DNAH8: variants seen among roughly 807,000 people sequenced by gnomAD.
DNAH8 encodes the protein axonemal beta dynein heavy chain 8.
DNAH8 carries 382 observed loss-of-function variants against 562.1 expected under a neutral mutation model. That is an observed-to-expected ratio of 0.68 (90% CI 0.63 to 0.74). The LOEUF is 0.74. Among genes scored for constraint, DNAH8 ranks in the 30% least tolerant of loss-of-function variants. DNAH8 has a pLI of 0.00. For missense variants in DNAH8, 5,203 were observed against 5,620.4 expected, an observed-to-expected ratio of 0.93 and a Z score of 2.37; for synonymous variants, 1,881 against 1,919.4, an observed-to-expected ratio of 0.98 and a Z score of 0.52.
intron 87 of DNAH8, among the ~76,000 whole-genome samples, chr6:38,987,154 G>A (rs1252689340): frequency 6.6e-6 from 1 of 152,198 alleles, no homozygotes; most frequent in Non-Finnish European, 1.5e-5. Context: ...CAGTGGCAAC[G>A]GAAAGCTGCT....
In DNAH8 at chr6:38,734,582, G is replaced by A. The variant is rs188018051; in HGVS notation, c.719G>A (p.Arg240His). The A allele has an allele frequency of 3.8e-5, 62 of 1,613,544 alleles. No homozygotes were observed. The highest frequency in any genetic ancestry group is 1.7e-4 in the Middle Eastern group (1 of 5,786). Residue 240 changes from arginine to histidine, a missense_variant, in exon 5 of 93, where the codon CGT becomes CAT. By Grantham distance (29) the Arg-to-His change is conservative. Transcript: ENST00000327475. ...KLKGLCIFFV[R>H]CRNDVAINVK... ...AAAGGACTGTGCATATTTTTTGTTC[G>A]TTGCCGTAATGATGTTGCTATAAAT...
At chr6:38,847,273 T>A (rs1344861480) in intron 36 of DNAH8, among the ~76,000 whole-genome samples, 1 of 151,822 alleles carries the variant, frequency 6.6e-6, no homozygotes, top group Non-Finnish European at 1.5e-5. Flanking sequence ...TTATTTCAGA[T>A]CTCCCTTTTC....
chr6:38,762,405 C>A (rs60409236), intron 11 of DNAH8, among the ~76,000 whole-genome samples: 1 of 152,180 alleles, frequency 6.6e-6, no homozygotes, highest in Non-Finnish European at 1.5e-5. Context: ...ACTGTCCTAA[C>A]GTTTCTGGGT....
intron 83 of DNAH8, 67 bp from the exon 84 acceptor site, chr6:38,973,594 T>G: frequency 7.4e-7 from 1 of 1,351,088 alleles, no homozygotes; most frequent in Admixed American, 2.6e-5. Context: ...AAAGTGCACA[T>G]TTTGTTTTAT....
chr6:38,743,675 GT>G (rs1764699127), intron 8 of DNAH8, among the ~76,000 whole-genome samples: 1 of 152,076 alleles, frequency 6.6e-6, no homozygotes, highest in Non-Finnish European at 1.5e-5. Context: ...ATGTTTTCAA[GT>G]TTCGTCCATG....
Position 38,883,944 on chromosome 6 carries a change from G to A in DNAH8, c.8205G>A (p.Met2735Ile). The A allele has an allele frequency of 6.3e-7, 1 of 1,590,454 alleles. No individual in the cohort carries two copies. Residue 2735 changes from methionine to isoleucine, a missense_variant, in exon 56 of 93, where the codon ATG becomes ATA. Coordinates refer to ENST00000327475, the MANE Select transcript of DNAH8 (RefSeq NM_001206927.2). ...ATGGGCCACCAGGAGGGAGAAAAAT[G>A]ACTGTATTTATTGATGATATTAATA... Reference protein sequence around the residue: ...STYGPPGGRKMTVFIDDINMP... With the variant: ...STYGPPGGRKITVFIDDINMP...
intron 68 of DNAH8, among the ~76,000 whole-genome samples, chr6:38,916,397 T>C (rs1037001870): frequency 6.6e-6 from 1 of 152,172 alleles, no homozygotes; most frequent in Non-Finnish European, 1.5e-5. Context: ...AGGCCTTCCT[T>C]TGTTTTCCTA....
At chr6:38,939,109 TTAAG>T (rs770282661) in intron 79 of DNAH8, 121 bp downstream of exon 79, 10 of 770,194 alleles carry the variant, frequency 1.3e-5, no homozygotes, top group South Asian at 3.1e-5. Flanking sequence ...GAAAGTTTAA[TTAAG>T]TTTTATTTTT....
At chr6:38,760,375 G>T (rs1190806046) in intron 10 of DNAH8, among the ~76,000 whole-genome samples, 2 of 151,754 alleles carry the variant, frequency 1.3e-5, no homozygotes, top group Admixed American at 6.6e-5. Context: ...TATGATTCTT[G>T]TTTCCTTTGT....
chr6:38,795,720 C>G (rs1436203486), intron 21 of DNAH8, among the ~76,000 whole-genome samples: 1 of 152,082 alleles, frequency 6.6e-6, no homozygotes, highest in East Asian at 1.9e-4. Context: ...CACAAACCTA[C>G]CAGCAAGTGG....
intron 35 of DNAH8, among the ~76,000 whole-genome samples, chr6:38,844,487 A>G (rs767792818): frequency 2.0e-5 from 3 of 152,198 alleles, no homozygotes; most frequent in Non-Finnish European, 2.9e-5. Flanking sequence ...CTTTCAAAGC[A>G]TTTTTGTCCT....
intron 88 of DNAH8, among the ~76,000 whole-genome samples, chr6:39,000,548 G>A (rs1188446331): frequency 6.6e-6 from 1 of 152,148 alleles, no homozygotes; most frequent in South Asian, 2.1e-4. Flanking sequence ...CGTGAACTGC[G>A]CATGCCAGGG....
At chr6:38,730,032 G>C (rs190192678) in intron 4 of DNAH8, 46 bp downstream of exon 4, 1 of 851,154 alleles carries the variant, frequency 1.2e-6, no homozygotes, top group Non-Finnish European at 1.9e-6. Flanking sequence ...GTTCATGCAC[G>C]TTAAAGTGCA....
At chr6:38,859,000 G>C (rs1256385567) in intron 42 of DNAH8, among the ~76,000 whole-genome samples, 2 of 152,036 alleles carry the variant, frequency 1.3e-5, no homozygotes, top group East Asian at 3.9e-4. Flanking sequence ...AAATAAACCT[G>C]TACATAAGGA....
At chr6:38,830,846 G>GT (rs1485283389) in intron 30 of DNAH8, among the ~76,000 whole-genome samples, 4 of 152,062 alleles carry the variant, frequency 2.6e-5, no homozygotes, top group African/African-American at 4.8e-5. Flanking sequence ...TCCACTACCA[G>GT]TCAACTGGAT....
chr6:38,883,481 A>G, intron 55 of DNAH8, 25 bp downstream of exon 55: 1 of 1,593,198 alleles, frequency 6.3e-7, no homozygotes, highest in Non-Finnish European at 8.5e-7. Flanking sequence ...TTGCTGTAAT[A>G]TTATAAACAT....
intron 23 of DNAH8, among the ~76,000 whole-genome samples, chr6:38,806,891 T>A (rs1470040986): frequency 1.3e-5 from 2 of 152,192 alleles, no homozygotes; most frequent in Non-Finnish European, 1.5e-5. Flanking sequence ...AATCTTGATA[T>A]TCCTCTTTGT....
chr6:38,806,419 C>T (rs917307116), intron 23 of DNAH8, among the ~76,000 whole-genome samples: 1 of 152,128 alleles, frequency 6.6e-6, no homozygotes, highest in Non-Finnish European at 1.5e-5. Flanking sequence ...TTCTCAGTAC[C>T]ATGCACCAGG....
rs994441159 is a variant in DNAH8 at position 38,850,239 on chromosome 6, A to T, written c.5200-12A>T. 1 of 1,611,726 alleles carries T rather than the reference A, an allele frequency of 6.2e-7. No individual in the cohort carries two copies. On this transcript the variant is annotated splice_polypyrimidine_tract_variant and intron_variant, in intron 37 of 92. Coordinates refer to ENST00000327475, the MANE Select transcript of DNAH8 (RefSeq NM_001206927.2). ...AAATGCTAATCTTTACTGGCTATGG[A>T]TGCATTTTCAGGAAGCAAAACGTTT...
Sources: allele counts gnomAD v4.1 joint callset (sites outside exome capture counted in the v4.1 genomes callset), GRCh38; gene constraint gnomAD v4.1.1; transcripts MANE v1.5; gene names NCBI Gene and HGNC (gene_info 2026-07-23, HGNC 2026-07-21).